The following CADPS2 variants were observed in gnomAD, a reference collection of about 807,000 sequenced individuals.
CADPS2 encodes the protein calcium-dependent secretion activator 2.
Under a neutral mutation model 172.5 loss-of-function variants are expected in CADPS2, and 93 were observed. That is an observed-to-expected ratio of 0.54 (90% CI 0.46 to 0.64). The LOEUF is 0.64. Ranked by LOEUF, CADPS2 falls within the 30% of genes least tolerant of loss-of-function variation. CADPS2 has a pLI of 0.00. For missense variants in CADPS2, 1,420 were observed against 1,565.9 expected (o/e 0.91, Z 1.57); for synonymous variants, 546 against 555.2 (o/e 0.98, Z 0.23).
chr7:122,571,312 G>A (rs1015120442), intron 7 of CADPS2, among the ~76,000 whole-genome samples: 2 of 152,016 alleles, frequency 1.3e-5, no homozygotes, highest in Non-Finnish European at 2.9e-5. Context: ...CTATTAGAAG[G>A]CATTAGTACA....
intron 3 of CADPS2, among the ~76,000 whole-genome samples, chr7:122,654,624 A>G (rs934415249): frequency 6.6e-6 from 1 of 152,198 alleles, no homozygotes; most frequent in Non-Finnish European, 1.5e-5. Flanking sequence ...TCCTTTCAAA[A>G]TAGTATTGCT....
chr7:122,548,809 T>C (rs1041816682), intron 8 of CADPS2, among the ~76,000 whole-genome samples: 1 of 152,210 alleles, frequency 6.6e-6, no homozygotes, highest in Non-Finnish European at 1.5e-5. Context: ...TGCTCAGACA[T>C]GGTTCAAAGC....
Position 122,815,581 on chromosome 7 carries a change from T to C in CADPS2, c.339+70418A>G, listed in dbSNP as rs1352806309. 2.0e-5 allele frequency among the ~76,000 whole-genome samples: 3 copies of C among 150,608 alleles called. No individual in the cohort carries two copies. The East Asian group carries it at 5.8e-4, about 29-fold the overall frequency. On this transcript the variant is annotated intron_variant, in intron 1 of 29. Coordinates refer to ENST00000449022, the MANE Select transcript of CADPS2 (RefSeq NM_017954.11). ...AACAGAAACACAATAGCAATAGACCTGGAGGAAAAAAAAAATCCATGGGTA... is the reference window on the plus strand; with the variant it reads ...AACAGAAACACAATAGCAATAGACCCGGAGGAAAAAAAAAATCCATGGGTA...
In CADPS2 at chr7:122,645,248, T is replaced by TAG. The variant is rs112572747; in HGVS notation, c.787-15921_787-15920insCT. Among the ~76,000 whole-genome samples, 2 of 106,706 alleles carry TAG rather than the reference T, an allele frequency of 1.9e-5. 1 individual carries two copies. Among genetic ancestry groups the TAG allele is most frequent in the Admixed American group, 1.9e-4 (2 of 10,286 alleles). The allele number at this position is 106,706 out of a possible 152,430, so 70.0% of individuals were successfully genotyped here. Reference sequence around the variant, plus strand: ...TACGCTAAGTATATATATACACACATGTACATGTGTGTATACATGTACATA... The same window carrying TAG: ...TACGCTAAGTATATATATACACACATAGGTACATGTGTGTATACATGTACATA... On this transcript the variant is annotated intron_variant, in intron 3 of 29. Transcript: ENST00000449022.
chr7:122,331,308 C>T (rs918111957), intron 28 of CADPS2, among the ~76,000 whole-genome samples: 1 of 152,120 alleles, frequency 6.6e-6, no homozygotes, highest in Non-Finnish European at 1.5e-5. Flanking sequence ...ATTATAAAGG[C>T]ATCTGATATT....
chr7:122,487,412 C>T (rs2057929714), intron 11 of CADPS2, among the ~76,000 whole-genome samples: 1 of 152,108 alleles, frequency 6.6e-6, no homozygotes, highest in African/African-American at 2.4e-5. Flanking sequence ...CCCACAATAT[C>T]TCCTAGGTAT....
At chr7:122,663,168 G>A in intron 3 of CADPS2, 69 bp downstream of exon 3, 1 of 1,145,812 alleles carries the variant, frequency 8.7e-7, no homozygotes, top group Non-Finnish European at 1.2e-6. Context: ...CATCTTCATA[G>A]GCTTGTAAAT....
At chr7:122,701,898 T>C (rs372978327) in intron 2 of CADPS2, 10 of 1,613,552 alleles carry the variant, frequency 6.2e-6, no homozygotes, top group Admixed American at 3.3e-5. Context: ...CAGGGGTCAA[T>C]GCATGCCTTA....
At chr7:122,393,410 G>A (rs540007137) in intron 21 of CADPS2, 31 bp downstream of exon 21, 2 of 1,613,262 alleles carry the variant, frequency 1.2e-6, no homozygotes, top group Admixed American at 1.7e-5. Flanking sequence ...GAAGAGGCAG[G>A]TGCTCTACGG....
At chr7:122,580,561 C>A (rs1286200820) in intron 7 of CADPS2, among the ~76,000 whole-genome samples, 1 of 151,912 alleles carries the variant, frequency 6.6e-6, no homozygotes, top group Non-Finnish European at 1.5e-5. Context: ...TGACCTTTCA[C>A]ACAGATTTAC....
chr7:122,426,152 T>C (rs1035516397), intron 17 of CADPS2: 6 of 152,186 alleles, frequency 3.9e-5, no homozygotes, highest in Admixed American at 2.0e-4. Flanking sequence ...AATATAACAT[T>C]TGAAAAGATT....
chr7:122,675,989 A>C (rs892666948), intron 2 of CADPS2, among the ~76,000 whole-genome samples: 12 of 152,286 alleles, frequency 7.9e-5, no homozygotes, highest in East Asian at 3.9e-4. Flanking sequence ...AAAGTAAAAA[A>C]AACAACAACA....
intron 1 of CADPS2, among the ~76,000 whole-genome samples, chr7:122,743,498 A>C (rs971435515): frequency 6.6e-6 from 1 of 152,144 alleles, no homozygotes; most frequent in Admixed American, 6.6e-5. Flanking sequence ...CAGTACTTAC[A>C]GTGGAAGCTG....
At chr7:122,745,333 G>C (rs1329712190) in intron 1 of CADPS2, among the ~76,000 whole-genome samples, 2 of 151,834 alleles carry the variant, frequency 1.3e-5, no homozygotes, top group African/African-American at 4.8e-5. Context: ...TACAAAGGAT[G>C]AAACTAAGCT....
At position 122,661,057 on chromosome 7, in the gene CADPS2, G is replaced by C. The variant is rs116647777; in HGVS notation, c.786+2180C>G. 7.6e-3 allele frequency among the ~76,000 whole-genome samples: 1,156 copies of C among 152,270 alleles called. 13 individuals are homozygous for C. Among genetic ancestry groups the C allele is most frequent in the African/African-American group, 0.026 (1,091 of 41,556 alleles). The stretch of plus-strand genomic sequence containing the variant: ...AAAGAAAGCTGGAGTGGCTGTATTA[G>C]CTTAAGACAATGTAGATTTCAGAAA... On this transcript the variant is annotated intron_variant, in intron 3 of 29. Transcript: ENST00000449022.
intron 1 of CADPS2, among the ~76,000 whole-genome samples, chr7:122,841,071 G>C (rs750331514): frequency 6.6e-6 from 1 of 152,112 alleles, no homozygotes. Flanking sequence ...CAAATAAATG[G>C]AGGAAGAACA....
At chr7:122,818,305 A>G (rs1263858801) in intron 1 of CADPS2, among the ~76,000 whole-genome samples, 3 of 152,016 alleles carry the variant, frequency 2.0e-5, no homozygotes, top group Non-Finnish European at 4.4e-5. Flanking sequence ...CTTGACCCCA[A>G]TACAAACTCG....
At chr7:122,856,264 A>G (rs1458774840) in intron 1 of CADPS2, among the ~76,000 whole-genome samples, 1 of 152,124 alleles carries the variant, frequency 6.6e-6, no homozygotes, top group Non-Finnish European at 1.5e-5. Context: ...CCTCATTGGA[A>G]TATCCCCAAA....
intron 1 of CADPS2, among the ~76,000 whole-genome samples, chr7:122,738,265 A>G (rs1185076075): frequency 6.6e-6 from 1 of 152,112 alleles, no homozygotes; most frequent in Non-Finnish European, 1.5e-5. Flanking sequence ...AAATATTAAC[A>G]ATTTCAAGAC....
Sources: allele counts gnomAD v4.1 joint callset (sites outside exome capture counted in the v4.1 genomes callset), GRCh38; gene constraint gnomAD v4.1.1; transcripts MANE v1.5; gene names NCBI Gene and HGNC (gene_info 2026-07-23, HGNC 2026-07-21).